Variants in CLSTN2 observed in about 807,000 individuals in gnomAD.
CLSTN2 encodes calsyntenin-2.
Under a neutral mutation model 101.2 loss-of-function variants are expected in CLSTN2, and 48 were observed. The observed-to-expected ratio is 0.47, with a 90% confidence interval of 0.38 to 0.60. The LOEUF is 0.60. Ranked by LOEUF, CLSTN2 falls within the 20% of genes least tolerant of loss-of-function variation. CLSTN2 has a pLI of 0.00. For missense variants in CLSTN2, 1,160 were observed against 1,238.2 expected (o/e 0.94, Z 0.95); for synonymous variants, 481 against 463.6 (o/e 1.04, Z -0.48).
intron 1 of CLSTN2, among the ~76,000 whole-genome samples, chr3:140,014,090 G>T (rs1294741397): frequency 6.6e-6 from 1 of 152,216 alleles, no homozygotes; most frequent in African/African-American, 2.4e-5. Context: ...GTCTGTTGCT[G>T]ACCTATTGGT....
Position 140,066,464 on chromosome 3 carries a change from T to C in CLSTN2, c.110-109487T>C, listed in dbSNP as rs140606989. On this transcript the variant is annotated intron_variant, in intron 1 of 16. Transcript: ENST00000458420. ...CCCTGTGAAAGAAGACAAGTGGCTT[T>C]ATATTAACATTAAAGTCTGACTGAT... 2.6e-5 allele frequency among the ~76,000 whole-genome samples: 4 copies of C among 152,352 alleles called. No homozygotes were observed. In the East Asian group the frequency reaches 7.7e-4, roughly 29 times the overall value.
At chr3:140,088,032 G>A (rs1022162223) in intron 1 of CLSTN2, among the ~76,000 whole-genome samples, 2 of 152,212 alleles carry the variant, frequency 1.3e-5, no homozygotes, top group African/African-American at 2.4e-5. Context: ...GGGCTCAACA[G>A]GAGGCTAAAG....
chr3:140,071,863 A>AT (rs58995884), intron 1 of CLSTN2, among the ~76,000 whole-genome samples: 3 of 150,298 alleles, frequency 2.0e-5, no homozygotes, highest in African/African-American at 7.3e-5. Flanking sequence ...AAATAAATAA[A>AT]AAAGAAAAAC....
intron 1 of CLSTN2, among the ~76,000 whole-genome samples, chr3:139,983,498 A>T (rs12497182): frequency 0.29 from 43,541 of 151,966 alleles, 6,440 homozygotes; most frequent in East Asian, 0.41. Context: ...TTTTAACCTT[A>T]AAGCCATGAG....
chr3:140,182,266 T>C (rs2010419453), intron 2 of CLSTN2, among the ~76,000 whole-genome samples: 2 of 152,176 alleles, frequency 1.3e-5, no homozygotes, highest in African/African-American at 2.4e-5. Context: ...CATTCTCTTT[T>C]AAAATAAATG....
chr3:140,232,095 A>C (rs993207720), intron 2 of CLSTN2, among the ~76,000 whole-genome samples: 1 of 152,208 alleles, frequency 6.6e-6, no homozygotes, highest in African/African-American at 2.4e-5. Context: ...TACTAAATAA[A>C]TGTTAGGTAT....
At chr3:140,191,296 T>A (rs2010563645) in intron 2 of CLSTN2, among the ~76,000 whole-genome samples, 1 of 152,014 alleles carries the variant, frequency 6.6e-6, no homozygotes, top group South Asian at 2.1e-4. Context: ...TTTTATAGCT[T>A]GCTGATTTCT....
intron 1 of CLSTN2, among the ~76,000 whole-genome samples, chr3:140,136,637 A>C (rs544704865): frequency 6.6e-6 from 1 of 152,220 alleles, no homozygotes; most frequent in Non-Finnish European, 1.5e-5. Flanking sequence ...TTAACCATCC[A>C]TGTGACTTCA....
intron 8 of CLSTN2, among the ~76,000 whole-genome samples, chr3:140,482,290 G>A (rs1185958987): frequency 6.6e-6 from 1 of 152,208 alleles, no homozygotes; most frequent in Non-Finnish European, 1.5e-5. Context: ...GCATCCCAGG[G>A]ATGAAGCCAA....
chr3:140,130,404 A>T (rs1415376784), intron 1 of CLSTN2, among the ~76,000 whole-genome samples: 1 of 152,236 alleles, frequency 6.6e-6, no homozygotes, highest in East Asian at 1.9e-4. Flanking sequence ...CAGAGCAGGT[A>T]CTAAATGCAC....
chr3:139,955,060 G>T (rs944331651), intron 1 of CLSTN2, among the ~76,000 whole-genome samples: 10 of 126,646 alleles, frequency 7.9e-5, no homozygotes, highest in Non-Finnish European at 1.3e-4. Context: ...TAGCATATAT[G>T]TTGCTATATA....
At position 140,532,395 on chromosome 3, in the gene CLSTN2, A is replaced by G; in HGVS notation, c.1416A>G (p.Gly472=). 6.2e-7 allele frequency: 1 copy of G among 1,613,628 alleles called. No homozygotes were observed. Among genetic ancestry groups the G allele is most frequent in the Non-Finnish European group, 8.5e-7 (1 of 1,179,552 alleles). ...CTGTGGTAACCTTATACATGGATGGAGCAACATATGAACCATACCTGGTGA... is the reference window on the plus strand; with the variant it reads ...CTGTGGTAACCTTATACATGGATGGGGCAACATATGAACCATACCTGGTGA... The part of the protein sequence containing the change: ...EFPVVTLYMD[G]ATYEPYLVTN... The change falls in exon 9 of 17, where the codon GGA becomes GGG. Residue 472 remains glycine (G), a synonymous_variant. Coordinates refer to ENST00000458420, the MANE Select transcript of CLSTN2 (RefSeq NM_022131.3).
At chr3:140,129,464 C>T (rs746465403) in intron 1 of CLSTN2, among the ~76,000 whole-genome samples, 6 of 152,144 alleles carry the variant, frequency 3.9e-5, no homozygotes, top group Non-Finnish European at 7.4e-5. Flanking sequence ...TGGTCTTAGG[C>T]TTCCCATTCT....
intron 6 of CLSTN2, among the ~76,000 whole-genome samples, chr3:140,452,149 T>C (rs1277774687): frequency 2.0e-5 from 3 of 152,156 alleles, no homozygotes; most frequent in Non-Finnish European, 4.4e-5. Context: ...GGGACAACGA[T>C]GGCAGTTGCC....
In CLSTN2 at chr3:140,562,144, A is replaced by T. The variant is rs772974510; in HGVS notation, c.2048A>T (p.Lys683Ile). ...CATGTCTGTCTTCCTACAGACCCCA[A>T]ATCAGAAGTCTTAGAGGAAATGCTT... Reference protein sequence around the residue: ...APGDVKTTDPKSEVLEEMLHN... With the variant: ...APGDVKTTDPISEVLEEMLHN... Residue 683 changes from lysine to isoleucine, a missense_variant, in exon 13 of 17, where the codon AAA becomes ATA. Coordinates refer to ENST00000458420, the MANE Select transcript of CLSTN2 (RefSeq NM_022131.3). 5.6e-6 allele frequency: 9 copies of T among 1,613,894 alleles called. No homozygotes were observed. In the East Asian group the frequency reaches 2.0e-4, roughly 36 times the overall value.
intron 1 of CLSTN2, among the ~76,000 whole-genome samples, chr3:140,017,860 T>TG (rs1318318932): frequency 1.3e-5 from 2 of 152,242 alleles, no homozygotes; most frequent in African/African-American, 4.8e-5. Context: ...GGTTGGGCCA[T>TG]GCCAGGACCT....
chr3:140,063,694 G>A (rs2008250506), intron 1 of CLSTN2, among the ~76,000 whole-genome samples: 1 of 152,110 alleles, frequency 6.6e-6, no homozygotes, highest in African/African-American at 2.4e-5. Flanking sequence ...CTCTGACATA[G>A]GAATGTCTAA....
rs558732391 is a variant in CLSTN2 at position 140,269,623 on chromosome 3, C to T, written c.232+93550C>T. 4.6e-5 allele frequency among the ~76,000 whole-genome samples: 7 copies of T among 152,212 alleles called. No individual in the cohort carries two copies. In the East Asian group the frequency reaches 5.8e-4, roughly 13 times the overall value. On this transcript the variant is annotated intron_variant, in intron 2 of 16. Coordinates refer to ENST00000458420, the MANE Select transcript of CLSTN2 (RefSeq NM_022131.3). ...AGCCCCTTCTGGAAAGAAAAGCTTT[C>T]GATATTATTGAGTGAACTCTGTGTG... is the stretch of plus-strand genomic sequence containing the variant.
At chr3:140,088,732 T>C (rs2008719985) in intron 1 of CLSTN2, among the ~76,000 whole-genome samples, 2 of 152,176 alleles carry the variant, frequency 1.3e-5, no homozygotes. Flanking sequence ...ACAACGGATG[T>C]GGTGATGTCA....
Sources: allele counts gnomAD v4.1 joint callset (sites outside exome capture counted in the v4.1 genomes callset), GRCh38; gene constraint gnomAD v4.1.1; transcripts MANE v1.5; gene names NCBI Gene and HGNC (gene_info 2026-07-23, HGNC 2026-07-21).